C1orf167: variants seen among roughly 807,000 people sequenced by gnomAD.
C1orf167 encodes the protein chromosome 1 open reading frame 167.
In C1orf167, 153 loss-of-function variants were observed where a neutral mutation model predicts 176.5. The ratio of observed to expected loss-of-function variants is 0.87; its 90% CI spans 0.76 to 0.99. The LOEUF (loss-of-function observed/expected upper bound fraction) is 0.99, where lower values mean the gene tolerates loss of function less well. C1orf167 is among the 50% of genes least tolerant of loss of function. C1orf167 has a pLI of 0.00. For missense variants in C1orf167, 1,490 were observed against 1,817.7 expected (o/e 0.82, Z 3.28); for synonymous variants, 594 against 752.7 (o/e 0.79, Z 3.45).
In C1orf167 at chr1:11,764,433, G is replaced by C. The variant is rs879347302; in HGVS notation, c.33G>C (p.Glu11Asp). The change falls in exon 2 of 21, where the codon GAG becomes GAC. Residue 11 changes from glutamate (E) to aspartate (D), a missense_variant. Transcript: ENST00000688073. MELRSDASHK[E>D]NVSPKPAALP... Reference sequence around the variant, plus strand: ...TAAGGTCTGATGCCAGCCACAAGGAGAATGTGTCCCCAAAGCCTGCAGCGC... The same window carrying C: ...TAAGGTCTGATGCCAGCCACAAGGACAATGTGTCCCCAAAGCCTGCAGCGC... 12 of 1,289,326 alleles carry C rather than the reference G, an allele frequency of 9.3e-6. No homozygotes were observed. Among genetic ancestry groups the C allele is most frequent in the Middle Eastern group, 2.1e-4 (1 of 4,718 alleles). 79.9% of individuals were successfully genotyped at this position (1,289,326 alleles called of 1,614,324 possible).
At chr1:11,774,900 G>C (rs1235031194) in intron 8 of C1orf167, among the ~76,000 whole-genome samples, 1 of 152,198 alleles carries the variant, frequency 6.6e-6, no homozygotes, top group Non-Finnish European at 1.5e-5. Flanking sequence ...AGAGGCTGCT[G>C]AGGCCACCAC....
In C1orf167 at chr1:11,766,052, C is replaced by T. The variant is rs769708590; in HGVS notation, c.266C>T (p.Thr89Met). 7.8e-6 allele frequency: 10 copies of T among 1,289,778 alleles called. No individual in the cohort carries two copies. Among genetic ancestry groups the T allele is most frequent in the African/African-American group, 6.1e-5 (4 of 65,890 alleles). 79.9% of individuals were successfully genotyped at this position (1,289,778 alleles called of 1,614,324 possible). Residue 89 changes from threonine (T) to methionine (M), a missense_variant, in exon 3 of 21, where the codon ACG (threonine) becomes ATG (methionine). Physicochemically the swap from Thr to Met is moderately conservative, Grantham distance 81. Coordinates refer to ENST00000688073, the MANE Select transcript of C1orf167 (RefSeq NM_001010881.2). This position sits in a 1 kb window ranked among gnomAD's most constrained non-coding sequence, Gnocchi z 4.5. ...GPRLGLALKD[T>M]TGQLVNSSFW... ...CGCCTGGGCCTAGCTCTGAAGGACA[C>T]GACTGGCCAACTGGTCAATTCAAGC...
intron 10 of C1orf167, 42 bp downstream of exon 10, chr1:11,776,680 G>C (rs977069380): frequency 1.7e-6 from 2 of 1,187,654 alleles, no homozygotes; most frequent in South Asian, 1.6e-5. Flanking sequence ...GGGCCTGGGG[G>C]CTGTGGGGTG....
chr1:11,764,607 G>A, intron 2 of C1orf167, 137 bp downstream of exon 2: 1 of 645,206 alleles, frequency 1.5e-6, no homozygotes, highest in Non-Finnish European at 2.3e-6. Flanking sequence ...ACGGTCGGCT[G>A]GACATAGGAC....
chr1:11,786,587 C>T (rs563550540), intron 16 of C1orf167: 1 of 145,464 alleles, frequency 6.9e-6, no homozygotes, highest in Admixed American at 7.3e-5. Flanking sequence ...AGGCGTGTGC[C>T]ACCACACCCG....
intron 8 of C1orf167, among the ~76,000 whole-genome samples, chr1:11,774,268 C>T (rs1333576843): frequency 6.6e-6 from 1 of 152,046 alleles, no homozygotes; most frequent in Non-Finnish European, 1.5e-5. Context: ...CCACTGCACT[C>T]CAGCCTGGGC....
Position 11,774,244 on chromosome 1 carries a change from G to A in C1orf167, c.1989-1191G>A, listed in dbSNP as rs1483975907. On this transcript the variant is annotated intron_variant, in intron 8 of 20. Coordinates refer to ENST00000688073, the MANE Select transcript of C1orf167 (RefSeq NM_001010881.2). ...TTGGTAGAGACAGAGTCCCACTGGT[G>A]AGCCATGATCGCACCACTGCACTCC... 5.3e-5 allele frequency among the ~76,000 whole-genome samples: 8 copies of A among 152,108 alleles called. No individual in the cohort carries two copies. The East Asian group carries it at 7.7e-4, about 15-fold the overall frequency.
chr1:11,788,854 C>G, intron 20 of C1orf167, 108 bp downstream of exon 20: 1 of 1,028,970 alleles, frequency 9.7e-7, no homozygotes, highest in Non-Finnish European at 1.3e-6. Flanking sequence ...CTTGCCAGCC[C>G]CGGGGCCCCT....
In C1orf167 at chr1:11,785,233, C is replaced by T. The variant is rs111375163; in HGVS notation, c.3511C>T (p.Arg1171Cys). 2.2e-5 allele frequency: 28 copies of T among 1,291,544 alleles called. No individual in the cohort carries two copies. Among genetic ancestry groups the T allele is most frequent in the Middle Eastern group, 2.1e-4 (1 of 4,688 alleles). 80.0% of individuals were successfully genotyped at this position (1,291,544 alleles called of 1,614,324 possible). A position where few individuals can be genotyped will look rare whatever the true frequency, so the allele number is the denominator to read the frequency against. ...CCAGCTCCGGCCGGCTGAGCTCAGGCGCTTCCTGCGGACAGTGCAGCTCAG... is the reference window on the plus strand; with the variant it reads ...CCAGCTCCGGCCGGCTGAGCTCAGGTGCTTCCTGCGGACAGTGCAGCTCAG... ...LTQLRPAELR[R>C]FLRTVQLRVR... The change falls in exon 16 of 21, where the codon CGC becomes TGC. Residue 1171 changes from arginine to cysteine, a missense_variant. By Grantham distance (180) the Arg-to-Cys change is radical. Coordinates refer to ENST00000688073, the MANE Select transcript of C1orf167 (RefSeq NM_001010881.2).
intron 2 of C1orf167, among the ~76,000 whole-genome samples, chr1:11,765,044 ACT>A (rs1405401845): frequency 6.5e-5 from 6 of 91,806 alleles, no homozygotes; most frequent in African/African-American, 2.7e-4. Flanking sequence ...ACAGAGCAAG[ACT>A]CTGTCTCAAA....
chr1:11,782,573 G>A (rs957146535), intron 14 of C1orf167, among the ~76,000 whole-genome samples: 7 of 152,110 alleles, frequency 4.6e-5, no homozygotes, highest in African/African-American at 1.2e-4. Flanking sequence ...AACAAGCCCC[G>A]GGAGTCCAGC....
At chr1:11,778,518 C>T (rs981065714) in intron 10 of C1orf167, 142 bp from the exon 11 acceptor site, 14 of 688,024 alleles carry the variant, frequency 2.0e-5, no homozygotes, top group African/African-American at 7.6e-5. Flanking sequence ...CAGCGTGGAA[C>T]GCTAGCCCAG....
At chr1:11,782,099 G>C in intron 13 of C1orf167, 90 bp from the exon 14 acceptor site, 6 of 1,135,986 alleles carry the variant, frequency 5.3e-6, no homozygotes, top group Non-Finnish European at 6.7e-6. Context: ...GTTCCCACCT[G>C]GTAGGGGGCG....
rs190162308 is a variant in C1orf167 at position 11,781,453 on chromosome 1, T to C, written c.2861-736T>C. ...GGATGCTGTCTTGGAGGCTGCCCACTACACCGACATATCGCATTAATGAGC... is the reference window on the plus strand; with the variant it reads ...GGATGCTGTCTTGGAGGCTGCCCACCACACCGACATATCGCATTAATGAGC... On this transcript the variant is annotated intron_variant, in intron 13 of 20. Coordinates refer to ENST00000688073, the MANE Select transcript of C1orf167 (RefSeq NM_001010881.2). Among the ~76,000 whole-genome samples, 1,193 of 152,302 alleles carry C rather than the reference T, an allele frequency of 7.8e-3. 23 individuals are homozygous for C. The highest frequency in any genetic ancestry group is 0.028 in the African/African-American group (1,147 of 41,564).
At chr1:11,787,264 T>C in intron 16 of C1orf167, 124 bp from the exon 17 acceptor site, 1 of 365,572 alleles carries the variant, frequency 2.7e-6, no homozygotes, top group Non-Finnish European at 4.5e-6. Context: ...TTCAGCCACA[T>C]GGGGGAATGG....
At chr1:11,774,446 T>G (rs1643218973) in intron 8 of C1orf167, among the ~76,000 whole-genome samples, 1 of 152,256 alleles carries the variant, frequency 6.6e-6, no homozygotes, top group African/African-American at 2.4e-5. Context: ...TCCCACTGTC[T>G]GCATTTTGCT....
At chr1:11,786,167 C>T (rs921496812) in intron 16 of C1orf167, 5 of 152,186 alleles carry the variant, frequency 3.3e-5, no homozygotes, top group African/African-American at 1.2e-4. Context: ...CTCTCCAGAC[C>T]AGAAGCAGTT....
At chr1:11,789,124 C>A in intron 20 of C1orf167, 146 bp from the exon 21 acceptor site, 2 of 724,200 alleles carry the variant, frequency 2.8e-6, no homozygotes, top group Non-Finnish European at 4.0e-6. Context: ...GTGCATTTGG[C>A]CTAGGCAAGA....
chr1:11,782,450 G>GA, intron 14 of C1orf167, 117 bp downstream of exon 14: 1 of 978,118 alleles, frequency 1.0e-6, no homozygotes, highest in Non-Finnish European at 1.3e-6. Context: ...TGTGGCCTGG[G>GA]AAAAAAGGGG....
Sources: allele counts gnomAD v4.1 joint callset (sites outside exome capture counted in the v4.1 genomes callset), GRCh38; gene constraint gnomAD v4.1.1; non-coding constraint Gnocchi (gnomAD v3.1); transcripts MANE v1.5; gene names NCBI Gene and HGNC (gene_info 2026-07-23, HGNC 2026-07-21).